Variants in SIL1 observed in about 807,000 individuals in gnomAD.
SIL1 encodes nucleotide exchange factor SIL1.
In SIL1, 40 loss-of-function variants were observed where a neutral mutation model predicts 49.1. That is an observed-to-expected ratio of 0.81 (90% CI 0.63 to 1.06). The LOEUF is 1.06. Ranked by LOEUF, SIL1 falls within the 50% of genes least tolerant of loss-of-function variation. The pLI is 0.00. For missense variants in SIL1, 500 were observed against 572.6 expected, an observed-to-expected ratio of 0.87 and a Z score of 1.29; for synonymous variants, 253 against 250.8, an observed-to-expected ratio of 1.01 and a Z score of -0.08.
intron 3 of SIL1, among the ~76,000 whole-genome samples, chr5:139,109,763 T>G: frequency 6.8e-6 from 1 of 146,856 alleles, no homozygotes; most frequent in Non-Finnish European, 1.5e-5. Context: ...AATTCCTGGG[T>G]CCTATTTCCC....
chr5:139,147,506 C>T (rs1471238605), intron 1 of SIL1, among the ~76,000 whole-genome samples: 1 of 152,196 alleles, frequency 6.6e-6, no homozygotes, highest in African/African-American at 2.4e-5. Context: ...GGCCTCATCC[C>T]AACCCTGATT....
intron 1 of SIL1, among the ~76,000 whole-genome samples, chr5:139,194,819 AAATG>A (rs2151824987): frequency 6.6e-6 from 1 of 152,344 alleles, no homozygotes; most frequent in South Asian, 2.1e-4. Context: ...AAAGGACAGA[AAATG>A]AATGAAGAAA....
At chr5:138,951,931 G>A (rs1358113396) in intron 7 of SIL1, 47 bp from the exon 8 acceptor site, 10 of 1,532,530 alleles carry the variant, frequency 6.5e-6, no homozygotes, top group Non-Finnish European at 8.1e-6. Context: ...CCAGCCCAGG[G>A]ATCGGATGGT....
At chr5:139,135,850 A>C (rs1203681293) in intron 1 of SIL1, among the ~76,000 whole-genome samples, 1 of 152,126 alleles carries the variant, frequency 6.6e-6, no homozygotes, top group African/African-American at 2.4e-5. Flanking sequence ...AGATCACTTG[A>C]GGTCAGGAGC....
At chr5:139,145,653 TG>T (rs1751180646) in intron 1 of SIL1, among the ~76,000 whole-genome samples, 1 of 136,948 alleles carries the variant, frequency 7.3e-6, no homozygotes. Flanking sequence ...TGTGTGTGTG[TG>T]TGTGTGTGTG....
intron 3 of SIL1, among the ~76,000 whole-genome samples, chr5:139,094,836 C>A (rs566450818): frequency 6.6e-6 from 1 of 152,362 alleles, no homozygotes; most frequent in East Asian, 1.9e-4. Flanking sequence ...AATGCATTTA[C>A]ATGTCATGTC....
chr5:139,141,049 T>C (rs769585487), intron 1 of SIL1, among the ~76,000 whole-genome samples: 40 of 152,050 alleles, frequency 2.6e-4, no homozygotes, highest in Non-Finnish European at 4.6e-4. Flanking sequence ...AAGGCAGCAA[T>C]AGGAACCAGA....
intron 7 of SIL1, among the ~76,000 whole-genome samples, chr5:139,015,702 T>C (rs1369141946): frequency 6.6e-6 from 1 of 152,206 alleles, no homozygotes; most frequent in African/African-American, 2.4e-5. Flanking sequence ...CTTACTATGT[T>C]ATTATAAGAA....
At chr5:139,025,125 T>C (rs748074122) in intron 6 of SIL1, among the ~76,000 whole-genome samples, 2 of 152,270 alleles carry the variant, frequency 1.3e-5, no homozygotes, top group Non-Finnish European at 2.9e-5. Context: ...ATTTTGTTCA[T>C]AGACGTATCT....
intron 3 of SIL1, among the ~76,000 whole-genome samples, chr5:139,106,465 A>C (rs1561864330): frequency 6.6e-6 from 1 of 152,234 alleles, no homozygotes; most frequent in African/African-American, 2.4e-5. Flanking sequence ...ATACATCCCA[A>C]GGGTCTGACA....
At chr5:139,075,102 C>T (rs1279443167) in intron 3 of SIL1, among the ~76,000 whole-genome samples, 3 of 152,180 alleles carry the variant, frequency 2.0e-5, no homozygotes, top group East Asian at 1.9e-4. Context: ...GGATTATAGG[C>T]GTGAGCCATC....
intron 1 of SIL1, among the ~76,000 whole-genome samples, chr5:139,130,274 A>G (rs1230798014): frequency 6.6e-6 from 1 of 152,106 alleles, no homozygotes; most frequent in African/African-American, 2.4e-5. Context: ...ACAGAGTGAG[A>G]TTCTGCCACT....
intron 1 of SIL1, among the ~76,000 whole-genome samples, chr5:139,185,772 G>A (rs1425514605): frequency 6.6e-6 from 1 of 152,166 alleles, no homozygotes; most frequent in East Asian, 1.9e-4. Flanking sequence ...TATCATTTGT[G>A]GCAACACTCT....
At chr5:138,972,624 A>G (rs987075537) in intron 7 of SIL1, among the ~76,000 whole-genome samples, 3 of 152,226 alleles carry the variant, frequency 2.0e-5, no homozygotes, top group African/African-American at 7.2e-5. Flanking sequence ...CCAAACCTGG[A>G]GAGAACCTCA....
At chr5:139,063,791 T>C (rs1269212865) in intron 3 of SIL1, among the ~76,000 whole-genome samples, 3 of 152,164 alleles carry the variant, frequency 2.0e-5, no homozygotes, top group African/African-American at 7.2e-5. Flanking sequence ...CATTAGCAGC[T>C]CATTAGCAGG....
intron 1 of SIL1, among the ~76,000 whole-genome samples, chr5:139,169,817 TCCCTCTC>T (rs200374271): frequency 0.03 from 3,681 of 123,516 alleles, 58 homozygotes; most frequent in African/African-American, 0.051. Context: ...AAAGCTCTAC[TCCCTCTC>T]CCCTCTCCCC....
In SIL1 at chr5:138,947,173, C is replaced by T; in HGVS notation, c.1330G>A (p.Gly444Ser). The change falls in exon 10 of 10, where the codon GGC becomes AGC. Residue 444 changes from glycine (G) to serine (S), a missense_variant. Transcript: ENST00000394817. The surrounding 1 kb of genome is among the most constrained non-coding windows in gnomAD (Gnocchi z 4.1). ...GAGCCCAGCAGCTCCTGGAAGTAGC[C>T]CTCGTCCTCACCATCCTGCAGCTCC... ...SLELQDGEDEGYFQELLGSVN... is the reference protein window; with the variant it reads ...SLELQDGEDESYFQELLGSVN... The T allele has an allele frequency of 6.2e-7, 1 of 1,613,638 alleles. No homozygotes were observed. Among genetic ancestry groups the T allele is most frequent in the Non-Finnish European group, 8.5e-7 (1 of 1,179,910 alleles).
At position 139,035,433 on chromosome 5, in the gene SIL1, A is replaced by G. The variant is rs531274467; in HGVS notation, c.453+7187T>C. 83 of 539,992 alleles carry G rather than the reference A, an allele frequency of 1.5e-4. No individual in the cohort carries two copies. The Admixed American group carries it at 1.6e-3, about 10-fold the overall frequency. The allele number at this position is 539,992 out of a possible 1,614,324, so 33.5% of individuals were successfully genotyped here. A position where few individuals can be genotyped will look rare whatever the true frequency, so the allele number is the denominator to read the frequency against. On this transcript the variant is annotated intron_variant, in intron 5 of 9. Coordinates refer to ENST00000394817, the MANE Select transcript of SIL1 (RefSeq NM_022464.5). The stretch of plus-strand genomic sequence containing the variant: ...GGCAGAGGCAGAAGGCACTGCCTCA[A>G]TCAGGGCCTGTCTGTTCTGAATGGC...
intron 8 of SIL1, 61 bp from the exon 9 acceptor site, chr5:138,951,396 C>T (rs921271919): frequency 1.3e-6 from 2 of 1,524,928 alleles, no homozygotes; most frequent in African/African-American, 1.4e-5. Flanking sequence ...CCCTGAGGCC[C>T]AGGGAAGGCA....
Sources: allele counts gnomAD v4.1 joint callset (sites outside exome capture counted in the v4.1 genomes callset), GRCh38; gene constraint gnomAD v4.1.1; non-coding constraint Gnocchi (gnomAD v3.1); transcripts MANE v1.5; gene names NCBI Gene and HGNC (gene_info 2026-07-23, HGNC 2026-07-21).